The following FGD5 variants were observed in gnomAD, a reference collection of about 807,000 sequenced individuals.
FGD5 encodes FYVE, RhoGEF and PH domain-containing protein 5.
Under a neutral mutation model 133.4 loss-of-function variants are expected in FGD5, and 28 were observed. The ratio of observed to expected loss-of-function variants is 0.21; its 90% CI spans 0.16 to 0.29. The LOEUF is 0.29. FGD5 is among the 10% of genes least tolerant of loss of function. FGD5 has a pLI of 1.00. For synonymous variants in FGD5, 810 were observed against 776.5 expected (o/e 1.04, Z -0.72); for missense variants, 1,858 against 1,895.2 (o/e 0.98, Z 0.36).
chr3:14,866,639 A>C (rs990523084), intron 2 of FGD5, among the ~76,000 whole-genome samples: 20 of 152,220 alleles, frequency 1.3e-4, no homozygotes. Flanking sequence ...ATAGTTACGA[A>C]GGTAAATAAG....
At chr3:14,885,869 T>G (rs186465932) in intron 4 of FGD5, among the ~76,000 whole-genome samples, 1 of 152,192 alleles carries the variant, frequency 6.6e-6, no homozygotes, top group Non-Finnish European at 1.5e-5. Flanking sequence ...TGAGCTCACA[T>G]TGTATAAAGA....
intron 1 of FGD5, among the ~76,000 whole-genome samples, chr3:14,846,337 A>G (rs781230925): frequency 3.9e-5 from 6 of 152,190 alleles, no homozygotes; most frequent in African/African-American, 1.2e-4. Context: ...CTCTCTTCCA[A>G]TGCTTTCTTT....
intron 4 of FGD5, among the ~76,000 whole-genome samples, chr3:14,893,757 T>TTTC (rs1559496468): frequency 1.5e-5 from 2 of 135,520 alleles, no homozygotes; most frequent in Non-Finnish European, 3.2e-5. Flanking sequence ...TTTTTCTTTT[T>TTTC]TTTTTTTTTT....
intron 4 of FGD5, among the ~76,000 whole-genome samples, chr3:14,889,876 G>A (rs1402105137): frequency 6.6e-6 from 1 of 152,024 alleles, no homozygotes; most frequent in Non-Finnish European, 1.5e-5. Context: ...TAAAAAAATT[G>A]AGGTATCTTT....
At chr3:14,903,540 T>TC (rs1438084238) in intron 9 of FGD5, among the ~76,000 whole-genome samples, 3 of 132,912 alleles carry the variant, frequency 2.3e-5, no homozygotes, top group African/African-American at 8.7e-5. Flanking sequence ...AGTGTGATGT[T>TC]CCCCTTCCTG....
rs139717205 is a variant in FGD5, at chr3:14,914,477, C to T, written c.3406-2772C>T. On this transcript the variant is annotated intron_variant, in intron 11 of 19. Coordinates refer to ENST00000285046, the MANE Select transcript of FGD5 (RefSeq NM_152536.4). ...CAGGAGAGCCATGGGCAAATTAGGACGTAGCCTGGTCCCGAAAGGCGAAGG... is the reference window on the plus strand; with the variant it reads ...CAGGAGAGCCATGGGCAAATTAGGATGTAGCCTGGTCCCGAAAGGCGAAGG... Among the ~76,000 whole-genome samples the T allele has an allele frequency of 9.0e-3, 1,370 of 152,290 alleles. 11 individuals carry two copies. Among genetic ancestry groups the T allele is most frequent in the Non-Finnish European group, 0.013 (907 of 68,018 alleles).
At chr3:14,881,912 C>G (rs1005226474) in intron 4 of FGD5, among the ~76,000 whole-genome samples, 7 of 152,172 alleles carry the variant, frequency 4.6e-5, no homozygotes, top group African/African-American at 1.7e-4. Context: ...CCAGAGCACT[C>G]AACATCAAGC....
Position 14,933,266 on chromosome 3 carries a change from G to T in FGD5, c.*99G>T. Reference sequence around the variant, plus strand: ...CTCAACTCATCCGGACACACACCTGGATTCAGCAATGAGGCCTGACCTTTT... The same window carrying T: ...CTCAACTCATCCGGACACACACCTGTATTCAGCAATGAGGCCTGACCTTTT... On this transcript the variant is annotated 3_prime_UTR_variant, in exon 20 of 20. Transcript: ENST00000285046. 1 of 1,412,152 alleles carries T rather than the reference G, an allele frequency of 7.1e-7. No homozygotes were observed. 87.5% of individuals were successfully genotyped at this position (1,412,152 alleles called of 1,614,324 possible). A position where few individuals can be genotyped will look rare whatever the true frequency, so the allele number is the denominator to read the frequency against.
At chr3:14,902,268 T>G (rs1575244906) in intron 9 of FGD5, among the ~76,000 whole-genome samples, 28 of 126,696 alleles carry the variant, frequency 2.2e-4, no homozygotes, top group East Asian at 8.9e-4. Context: ...GGTGACAGAG[T>G]GAGATTCCAT....
At chr3:14,903,158 ACT>A (rs1212558665) in intron 9 of FGD5, among the ~76,000 whole-genome samples, 1 of 150,778 alleles carries the variant, frequency 6.6e-6, no homozygotes, top group Non-Finnish European at 1.5e-5. Context: ...CCAGACTGAA[ACT>A]CTCTCCCCAT....
chr3:14,920,215 G>C (rs2038647958), intron 13 of FGD5: 1 of 152,258 alleles, frequency 6.6e-6, no homozygotes, highest in South Asian at 2.1e-4. Context: ...TCTGGGGCTT[G>C]GGTGTCTACT....
At chr3:14,928,168 T>G (rs1312287951) in intron 18 of FGD5, among the ~76,000 whole-genome samples, 1 of 151,834 alleles carries the variant, frequency 6.6e-6, no homozygotes, top group Non-Finnish European at 1.5e-5. Context: ...TCTCGATCTC[T>G]TGACCTCATG....
Position 14,820,223 on chromosome 3 carries a change from G to A in FGD5, c.1152G>A (p.Ala384=), listed in dbSNP as rs368480477. 2.4e-4 allele frequency: 390 copies of A among 1,608,766 alleles called. No individual in the cohort carries two copies. Among genetic ancestry groups the A allele is most frequent in the South Asian group, 2.0e-3 (179 of 90,392 alleles). ...AGGCACCAAAGCTGGGGCTGCGTGC[G>A]GAGGAGAACCCCATGGTGGGGGCTT... ...SEQAPKLGLR[A]EENPMVGALC... Residue 384 remains alanine (A), a synonymous_variant, in exon 1 of 20, where the codon GCG becomes GCA. Coordinates refer to ENST00000285046, the MANE Select transcript of FGD5 (RefSeq NM_152536.4).
intron 19 of FGD5, 41 bp downstream of exon 19, chr3:14,932,772 T>C: frequency 6.3e-7 from 1 of 1,591,390 alleles, no homozygotes; most frequent in Non-Finnish European, 8.5e-7. Context: ...TTTTGTTCTC[T>C]CAGAAGGCAA....
chr3:14,919,521 G>A (rs2038631553), intron 13 of FGD5, among the ~76,000 whole-genome samples: 1 of 152,354 alleles, frequency 6.6e-6, no homozygotes, highest in Non-Finnish European at 1.5e-5. Flanking sequence ...GGGAGGCTGA[G>A]GCAGGAGAAT....
Position 14,821,320 on chromosome 3 carries a change from G to GGCC in FGD5, c.2253_2255dup (p.Pro752dup), listed in dbSNP as rs1559468279. 6.2e-7 allele frequency: 1 copy of GGCC among 1,613,886 alleles called. No individual in the cohort carries two copies. Among genetic ancestry groups the GGCC allele is most frequent in the Non-Finnish European group, 8.5e-7 (1 of 1,179,868 alleles). On this transcript the variant is annotated inframe_insertion, in exon 1 of 20. Transcript: ENST00000285046. Reference sequence around the variant, plus strand: ...GTGGAGTCCTTTGAAGACCGCTCCCGGCCGCCCTTCCTGCCCTTGCCACTG... The same window carrying GGCC: ...GTGGAGTCCTTTGAAGACCGCTCCCGGCCGCCGCCCTTCCTGCCCTTGCCACTG...
intron 2 of FGD5, among the ~76,000 whole-genome samples, chr3:14,870,452 C>T (rs1296813589): frequency 1.3e-5 from 2 of 152,188 alleles, no homozygotes; most frequent in Non-Finnish European, 2.9e-5. Flanking sequence ...CACTTCAGAC[C>T]CCTCTTACAC....
At chr3:14,925,100 CAAAAAAAA>C (rs10714568) in intron 17 of FGD5, among the ~76,000 whole-genome samples, 21 of 71,806 alleles carry the variant, frequency 2.9e-4, no homozygotes, top group Non-Finnish European at 3.9e-4. Context: ...GACTCTGTCT[CAAAAAAAA>C]AAAAAAAAAA....
intron 2 of FGD5, among the ~76,000 whole-genome samples, chr3:14,877,575 C>T (rs1251026958): frequency 1.3e-5 from 2 of 152,318 alleles, no homozygotes; most frequent in East Asian, 1.9e-4. Flanking sequence ...GGCTCGCCCA[C>T]GGTCACACAG....
Sources: gnomAD v4.1 joint callset for allele counts (sites outside exome capture counted in the v4.1 genomes callset) on GRCh38, gnomAD v4.1.1 for gene constraint, MANE v1.5 for transcripts, NCBI Gene and HGNC (gene_info 2026-07-23, HGNC 2026-07-21) for gene names.